The following IQSEC2 variants were observed in gnomAD, a reference collection of about 807,000 sequenced individuals.
The protein encoded by IQSEC2 is IQ motif and SEC7 domain-containing protein 2.
Under a neutral mutation model 74.6 loss-of-function variants are expected in IQSEC2, and 6 were observed. The ratio of observed to expected loss-of-function variants is 0.08; its 90% CI spans 0.04 to 0.16. The LOEUF (loss-of-function observed/expected upper bound fraction) is 0.16. Among genes scored for constraint, IQSEC2 ranks in the 10% least tolerant of loss-of-function variants. The pLI, the probability that IQSEC2 is intolerant of heterozygous loss-of-function variation, is 1.00. For missense variants in IQSEC2, 734 were observed against 1,306.2 expected (o/e 0.56, Z 6.75); for synonymous variants, 494 against 544.5 (o/e 0.91, Z 1.29).
chrX:53,299,737 G>C (rs1258536514), intron 1 of IQSEC2, among the ~76,000 whole-genome samples: 1 of 110,956 alleles, frequency 9.0e-6, no homozygotes, highest in East Asian at 2.8e-4. Flanking sequence ...TGGGGTTGGG[G>C]AAGGACCAAA....
intron 1 of IQSEC2, among the ~76,000 whole-genome samples, chrX:53,302,418 T>C (rs2075219772): frequency 8.9e-6 from 1 of 112,479 alleles, no homozygotes; most frequent in Non-Finnish European, 1.9e-5. Flanking sequence ...ACTTAGATGT[T>C]CTTCAAATTT....
intron 2 of IQSEC2, among the ~76,000 whole-genome samples, chrX:53,265,294 T>C (rs1414091322): frequency 1.8e-5 from 2 of 109,989 alleles, no homozygotes; most frequent in Non-Finnish European, 3.8e-5. Context: ...AGAGGTTCAA[T>C]GTGATAGAGA....
Position 53,241,546 on chromosome X carries a change from C to T in IQSEC2, c.3015+238G>A, listed in dbSNP as rs782484948. 4.5e-5 allele frequency among the ~76,000 whole-genome samples: 5 copies of T among 112,027 alleles called. No individual in the cohort carries two copies. In the South Asian group the frequency reaches 1.9e-3, roughly 42 times the overall value. On this transcript the variant is annotated intron_variant, in intron 10 of 14. Transcript: ENST00000642864. ...ACTTCCCAGGTTGTAAGTCTGTCATCTCCTTTGGTCCTCATATTTTCTGTC... is the reference window on the plus strand; with the variant it reads ...ACTTCCCAGGTTGTAAGTCTGTCATTTCCTTTGGTCCTCATATTTTCTGTC...
chrX:53,304,601 G>C (rs1392144519), intron 1 of IQSEC2, among the ~76,000 whole-genome samples: 3 of 112,262 alleles, frequency 2.7e-5, no homozygotes, highest in Admixed American at 9.5e-5. Flanking sequence ...GAAGTAAAGA[G>C]AAAAGTATCA....
At chrX:53,270,445 C>G (rs1217630969) in intron 2 of IQSEC2, among the ~76,000 whole-genome samples, 1 of 110,876 alleles carries the variant, frequency 9.0e-6, no homozygotes, top group African/African-American at 3.3e-5. Flanking sequence ...TTCCTTCTAT[C>G]TGGAACATCG....
At chrX:53,226,458 T>C (rs782142666), downstream of IQSEC2, 5 of 112,826 alleles carry the variant, frequency 4.4e-5, no homozygotes, top group South Asian at 1.8e-3. Flanking sequence ...CCTTAGCACT[T>C]GGCATGTTAA....
intron 12 of IQSEC2, chrX:53,237,823 G>A: frequency 3.6e-6 from 1 of 281,410 alleles, no homozygotes; most frequent in South Asian, 5.5e-5. Context: ...GCAATTTGCT[G>A]CAGTTCACCC....
rs782055241 is a variant in IQSEC2, at chrX:53,320,370, G to A, written c.707+47C>T. ...TACTCTATCAGCTGGACAAGTTGGA[G>A]AGGGATCTAGAGGGAAGAGCCGGGG... On this transcript the variant is annotated intron_variant, in intron 1 of 14. Transcript: ENST00000642864. 4.8e-6 allele frequency: 5 copies of A among 1,040,257 alleles called. No homozygotes were observed. The African/African-American group carries it at 5.7e-5, about 12-fold the overall frequency. The allele number at this position is 1,040,257 out of a possible 1,213,427, so 85.7% of individuals were successfully genotyped here.
At chrX:53,261,933 A>G (rs782044266) in intron 2 of IQSEC2, among the ~76,000 whole-genome samples, 26 of 112,126 alleles carry the variant, frequency 2.3e-4, no homozygotes, top group Non-Finnish European at 3.9e-4. Flanking sequence ...TTTTCCACAC[A>G]TTATTTAATC....
At chrX:53,251,774 C>T (rs1168938760) in intron 4 of IQSEC2, among the ~76,000 whole-genome samples, 2 of 112,403 alleles carry the variant, frequency 1.8e-5, no homozygotes, top group Non-Finnish European at 3.8e-5. Flanking sequence ...TAAAAGACTG[C>T]AGAGGCTGGG....
At position 53,234,845 on chromosome X, in the gene IQSEC2, G is replaced by A; in HGVS notation, c.3841C>T (p.Pro1281Ser). The stretch of plus-strand genomic sequence containing the variant: ...GAGGGCTGCTGGGGTGGGAGGTAGG[G>A]TGGCGGGGCAGGGCCCGGTCCTTGG... ...YCQGPGPAPPPYLPPQQPSLP... is the reference protein window; with the variant it reads ...YCQGPGPAPPSYLPPQQPSLP... Residue 1281 changes from proline (P) to serine (S), a missense_variant, in exon 15 of 15, where the codon CCC becomes TCC. By Grantham distance (74) the Pro-to-Ser change is moderately conservative. Around this residue, in one of 12 missense-constraint regions of IQSEC2, gnomAD observed 249 missense variants for 467.9 expected, o/e 0.53. Coordinates refer to ENST00000642864, the MANE Select transcript of IQSEC2 (RefSeq NM_001111125.3). 1 of 1,139,107 alleles carries A rather than the reference G, an allele frequency of 8.8e-7. No individual in the cohort carries two copies. The highest frequency in any genetic ancestry group is 1.2e-6 in the Non-Finnish European group (1 of 857,453). 93.9% of individuals were successfully genotyped at this position (1,139,107 alleles called of 1,213,427 possible).
chrX:53,255,314 G>A (rs917312986), intron 3 of IQSEC2, among the ~76,000 whole-genome samples: 2 of 110,797 alleles, frequency 1.8e-5, no homozygotes, highest in East Asian at 5.7e-4. Context: ...AAGGAAGGTA[G>A]GTAGGTAGGT....
chrX:53,292,613 T>C (rs1049877979), intron 1 of IQSEC2, among the ~76,000 whole-genome samples: 3 of 111,641 alleles, frequency 2.7e-5, no homozygotes, highest in Non-Finnish European at 5.7e-5. Context: ...CCGTTTTCAT[T>C]GTGAGGCCTC....
At chrX:53,239,515 A>G (rs1333166701) in intron 10 of IQSEC2, 46 of 372,308 alleles carry the variant, frequency 1.2e-4, no homozygotes, top group South Asian at 7.3e-4. Context: ...CACCACAGAC[A>G]TTTACCACAT....
intron 12 of IQSEC2, chrX:53,237,726 C>T (rs899082072): frequency 2.3e-4 from 42 of 185,324 alleles, no homozygotes; most frequent in Non-Finnish European, 3.5e-4. Flanking sequence ...TTTCGGCTAC[C>T]TTGTCTCATT....
intron 1 of IQSEC2, among the ~76,000 whole-genome samples, chrX:53,293,333 G>A (rs1198663434): frequency 5.4e-5 from 6 of 111,852 alleles, no homozygotes; most frequent in Admixed American, 2.8e-4. Flanking sequence ...CCCTTTATGG[G>A]GTGTGGCTGT....
chrX:53,248,556 C>G (rs1490051320), intron 6 of IQSEC2, among the ~76,000 whole-genome samples, 165 bp downstream of exon 6: 1 of 111,651 alleles, frequency 9.0e-6, no homozygotes, highest in Non-Finnish European at 1.9e-5. Context: ...TAGAGCCAAA[C>G]AAGATCAGAC....
intron 2 of IQSEC2, among the ~76,000 whole-genome samples, chrX:53,291,268 C>T (rs781839264): frequency 9.0e-6 from 1 of 111,536 alleles, no homozygotes; most frequent in East Asian, 2.8e-4. Context: ...CCCCAACTGG[C>T]AGATTGAGCA....
Position 53,255,952 on chromosome X carries a change from C to T in IQSEC2, c.847G>A (p.Gly283Ser). The change falls in exon 3 of 15, where the codon GGC becomes AGC. Residue 283 changes from glycine to serine, a missense_variant. By Grantham distance (56) the Gly-to-Ser change is moderately conservative. Around this residue, in one of 12 missense-constraint regions of IQSEC2, gnomAD observed 54 missense variants for 62.1 expected, o/e 0.87. Transcript: ENST00000642864. ...QLPPSSSHMG[G>S]PPAGVGLPWA... ...GGAAGGCCCACTCCAGCAGGGGGGC[C>T]CCCCATGTGGCTGCTGGAGGGGGGC... The T allele has an allele frequency of 8.3e-7, 1 of 1,198,047 alleles. No homozygotes were observed. The highest frequency in any genetic ancestry group is 1.1e-6 in the Non-Finnish European group (1 of 887,681).
Sources: gnomAD v4.1 joint callset for allele counts (sites outside exome capture counted in the v4.1 genomes callset) on GRCh38, gnomAD v4.1.1 for gene constraint, gnomAD v4.1.1 regional missense constraint, MANE v1.5 for transcripts, NCBI Gene and HGNC (gene_info 2026-07-23, HGNC 2026-07-21) for gene names.